Variants in ATP6V1A observed in about 807,000 individuals in gnomAD.
ATP6V1A encodes V-type proton ATPase catalytic subunit A.
In ATP6V1A, 18 loss-of-function variants were observed where a neutral mutation model predicts 70.1. The ratio of observed to expected loss-of-function variants is 0.26; its 90% CI spans 0.18 to 0.38. ATP6V1A has a LOEUF of 0.38. ATP6V1A is among the 10% of genes least tolerant of loss of function. ATP6V1A has a pLI of 1.00. For synonymous variants in ATP6V1A, 232 were observed against 253.8 expected (o/e 0.91, Z 0.82); for missense variants, 424 against 772.4 (o/e 0.55, Z 5.35).
intron 7 of ATP6V1A, 46 bp downstream of exon 7, chr3:113,788,921 T>G: frequency 6.5e-7 from 1 of 1,534,208 alleles, no homozygotes; most frequent in Non-Finnish European, 9.0e-7. Flanking sequence ...ATACCACTCA[T>G]CAGTGTTCAT....
At chr3:113,763,080 T>A (rs1291979709) in intron 1 of ATP6V1A, among the ~76,000 whole-genome samples, 1 of 151,884 alleles carries the variant, frequency 6.6e-6, no homozygotes, top group South Asian at 2.1e-4. Context: ...TCTCTTTCCT[T>A]TTTACCTTCC....
intron 3 of ATP6V1A, among the ~76,000 whole-genome samples, chr3:113,782,524 T>TTCTCTC (rs35128741): frequency 1.6e-4 from 23 of 140,250 alleles, no homozygotes; most frequent in African/African-American, 5.9e-4. Context: ...TTTCTTTCCT[T>TTCTCTC]TCTCTCTCTC....
At chr3:113,755,662 AAT>A (rs1431687392) in intron 1 of ATP6V1A, among the ~76,000 whole-genome samples, 1 of 152,172 alleles carries the variant, frequency 6.6e-6, no homozygotes, top group Non-Finnish European at 1.5e-5. Context: ...TGCAATATAT[AAT>A]AGTTTTACTT....
At chr3:113,780,770 C>G (rs1708968957) in intron 2 of ATP6V1A, 1 of 1,311,558 alleles carries the variant, frequency 7.6e-7, no homozygotes, top group African/African-American at 1.5e-5. Context: ...CAGAACATAC[C>G]TGAATCCTAC....
At chr3:113,777,968 G>A (rs559265494) in intron 1 of ATP6V1A, among the ~76,000 whole-genome samples, 147 of 152,140 alleles carry the variant, frequency 9.7e-4, no homozygotes, top group Non-Finnish European at 1.6e-3. Context: ...GGGTGGATAA[G>A]TTATTGAAAA....
At chr3:113,760,620 C>T (rs866811944) in intron 1 of ATP6V1A, among the ~76,000 whole-genome samples, 9 of 151,206 alleles carry the variant, frequency 6.0e-5, no homozygotes, top group Admixed American at 4.0e-4. Context: ...CCCAGCTACT[C>T]AGGAGGCTGA....
chr3:113,769,155 A>C (rs1370485619), intron 1 of ATP6V1A, among the ~76,000 whole-genome samples: 1 of 152,204 alleles, frequency 6.6e-6, no homozygotes, highest in Non-Finnish European at 1.5e-5. Flanking sequence ...GGATTGAAGG[A>C]GATGAATAGA....
rs1165589269 is a variant in ATP6V1A, at chr3:113,811,291, A to G, written c.*1864A>G. 1 of 152,574 alleles carries G rather than the reference A, an allele frequency of 6.6e-6. No individual in the cohort carries two copies. Among genetic ancestry groups the G allele is most frequent in the East Asian group, 1.9e-4 (1 of 5,196 alleles). 9.5% of individuals were successfully genotyped at this position (152,574 alleles called of 1,614,324 possible). On this transcript the variant is annotated 3_prime_UTR_variant, in exon 15 of 15. Coordinates refer to ENST00000273398, the MANE Select transcript of ATP6V1A (RefSeq NM_001690.4). ...GAAAGAAGCAATCAGTAGAGAATTC[A>G]GGATAGTTTTGTTTAAATTCTTGCA...
At chr3:113,768,235 C>G (rs1398416201) in intron 1 of ATP6V1A, among the ~76,000 whole-genome samples, 2 of 152,132 alleles carry the variant, frequency 1.3e-5, no homozygotes, top group South Asian at 4.1e-4. Flanking sequence ...CTCTTTGATT[C>G]CTGCTTTTGT....
chr3:113,778,737 A>C lies in ATP6V1A; in HGVS notation c.-13-4A>C, dbSNP rs954588335. On this transcript the variant is annotated splice_polypyrimidine_tract_variant and splice_region_variant and intron_variant, in intron 1 of 14. Transcript: ENST00000273398. ...TAACTTATTTATTTATTTATTTACTATAGGTAAACTAACATTATGGATTTT... is the reference window on the plus strand; with the variant it reads ...TAACTTATTTATTTATTTATTTACTCTAGGTAAACTAACATTATGGATTTT... The C allele has an allele frequency of 2.0e-6, 3 of 1,511,498 alleles. No homozygotes were observed. Among genetic ancestry groups the C allele is most frequent in the Non-Finnish European group, 1.8e-6 (2 of 1,113,202 alleles). The allele number at this position is 1,511,498 out of a possible 1,614,324, so 93.6% of individuals were successfully genotyped here.
chr3:113,751,931 T>A (rs544344374), intron 1 of ATP6V1A, among the ~76,000 whole-genome samples: 1 of 152,018 alleles, frequency 6.6e-6, no homozygotes, highest in African/African-American at 2.4e-5. Flanking sequence ...TTTTAAAAAT[T>A]AATGGTATAT....
rs979241083 is a variant in ATP6V1A at position 113,805,491 on chromosome 3, A to G, written c.1727A>G (p.Asp576Gly). The change falls in exon 14 of 15, where the codon GAC (aspartate) becomes GGC (glycine). Residue 576 changes from aspartate (D) to glycine (G), a missense_variant. Asp to Gly is a moderately conservative substitution (Grantham distance 94, BLOSUM62 -1). Transcript: ENST00000273398. ...TCCATTATTCGTGAGCACATGGGAG[A>G]CATCCTCTATAAACTTTCCTCCATG... ...TWSIIREHMG[D>G]ILYKLSSMKF... The G allele has an allele frequency of 2.5e-6, 4 of 1,613,836 alleles. No homozygotes were observed. In the African/African-American group the frequency reaches 5.3e-5, roughly 22 times the overall value.
intron 8 of ATP6V1A, among the ~76,000 whole-genome samples, chr3:113,790,104 T>A (rs1367969535): frequency 6.6e-6 from 1 of 151,926 alleles, no homozygotes; most frequent in Non-Finnish European, 1.5e-5. Context: ...ACCCTGTCTC[T>A]ACTAAAAATA....
intron 7 of ATP6V1A, 101 bp downstream of exon 7, chr3:113,788,976 A>G: frequency 9.7e-7 from 1 of 1,030,834 alleles, no homozygotes; most frequent in Non-Finnish European, 1.4e-6. Context: ...CAATGCTGTC[A>G]TTCGTCAAGG....
chr3:113,753,533 G>A (rs1708612921), intron 1 of ATP6V1A, among the ~76,000 whole-genome samples: 1 of 152,148 alleles, frequency 6.6e-6, no homozygotes. Context: ...GGCAAAAAAC[G>A]TGGAAACAAA....
Position 113,798,354 on chromosome 3 carries a change from C to T in ATP6V1A, c.1402C>T (p.His468Tyr), listed in dbSNP as rs773015271. 5.0e-6 allele frequency: 8 copies of T among 1,613,796 alleles called. No homozygotes were observed. In the African/African-American group the frequency reaches 1.1e-4, roughly 22 times the overall value. Residue 468 changes from histidine to tyrosine, a missense_variant, in exon 12 of 15, where the codon CAC (histidine) becomes TAC (tyrosine). By Grantham distance (83) the His-to-Tyr change is moderately conservative (BLOSUM62 2). This residue lies in a region of ATP6V1A where 127 missense variants were observed against 207.9 expected (regional missense o/e 0.61). Coordinates refer to ENST00000273398, the MANE Select transcript of ATP6V1A (RefSeq NM_001690.4). ...MRALDEYYDK[H>Y]FTEFVPLRTK... ...TGCCTTGGATGAATACTATGACAAA[C>T]ACTTCACAGAGTTCGTTCCTCTGAG...
At chr3:113,783,420 A>G (rs1336751146) in intron 3 of ATP6V1A, among the ~76,000 whole-genome samples, 1 of 152,204 alleles carries the variant, frequency 6.6e-6, no homozygotes, top group Non-Finnish European at 1.5e-5. Flanking sequence ...TATATATTTT[A>G]TTCTTATTTG....
chr3:113,794,948 T>C lies in ATP6V1A; in HGVS notation c.1065T>C (p.Ala355=). The C allele has an allele frequency of 6.2e-7, 1 of 1,614,108 alleles. No individual in the cohort carries two copies. The highest frequency in any genetic ancestry group is 8.5e-7 in the Non-Finnish European group (1 of 1,179,968). ...TGGCTGACTCTACCTCTAGATGGGC[T>C]GAGGCCCTTAGAGAAATCTCTGGTC... ...SMMADSTSRW[A]EALREISGRL... is the part of the protein sequence containing the mutation. Residue 355 remains alanine, a synonymous_variant, in exon 9 of 15, where the codon GCT becomes GCC. Transcript: ENST00000273398.
chr3:113,783,507 T>C (rs955247645), intron 3 of ATP6V1A, among the ~76,000 whole-genome samples: 35 of 152,368 alleles, frequency 2.3e-4, no homozygotes, highest in African/African-American at 8.2e-4. Context: ...GGGACTGATA[T>C]TCCTCAGCAG....
Sources: allele counts gnomAD v4.1 joint callset (sites outside exome capture counted in the v4.1 genomes callset), GRCh38; gene constraint gnomAD v4.1.1; regional missense constraint gnomAD v4.1.1; transcripts MANE v1.5; gene names NCBI Gene and HGNC (gene_info 2026-07-23, HGNC 2026-07-21).